Variants in HADH observed in about 807,000 individuals in gnomAD.
The protein encoded by HADH is hydroxyacyl-CoA dehydrogenase.
Under a neutral mutation model 32.2 loss-of-function variants are expected in HADH, and 24 were observed. The observed-to-expected ratio is 0.75, with a 90% CI of 0.54 to 1.05. The LOEUF (loss-of-function observed/expected upper bound fraction) is 1.05, where lower values mean the gene tolerates loss of function less well. HADH is among the 50% of genes least tolerant of loss of function. The pLI is 0.00. For synonymous variants in HADH, 139 were observed against 152.5 expected, an observed-to-expected ratio of 0.91 and a Z score of 0.65; for missense variants, 350 against 397.1, an observed-to-expected ratio of 0.88 and a Z score of 1.01.
chr4:108,004,409 A>C (rs770612155), intron 1 of HADH: 1 of 332,182 alleles, frequency 3.0e-6, no homozygotes, highest in East Asian at 7.8e-5. Flanking sequence ...TTGATCATTC[A>C]AAAGGAAGCA....
At chr4:108,032,479 C>A in intron 6 of HADH, 1 of 618,674 alleles carries the variant, frequency 1.6e-6, no homozygotes, top group Non-Finnish European at 3.0e-6. Context: ...AATAACTATA[C>A]ATACAAAAGC....
chr4:108,027,257 G>T, intron 5 of HADH: 1 of 316,374 alleles, frequency 3.2e-6, no homozygotes, highest in Non-Finnish European at 6.2e-6. Context: ...TGGGTGTAGG[G>T]CTGTGTGTAC....
chr4:108,019,418 C>T (rs563925489), intron 3 of HADH, 122 bp from the exon 4 acceptor site: 1 of 843,654 alleles, frequency 1.2e-6, no homozygotes, highest in Non-Finnish European at 2.1e-6. Context: ...CCCTCATTCC[C>T]CCAATGGGTC....
intron 1 of HADH, among the ~76,000 whole-genome samples, chr4:107,994,331 C>T (rs1270261630): frequency 6.6e-6 from 1 of 152,062 alleles, no homozygotes; most frequent in Non-Finnish European, 1.5e-5. Context: ...CAGGGAGAGC[C>T]TGCTACGTTG....
chr4:108,018,933 A>G (rs563853105), intron 3 of HADH, among the ~76,000 whole-genome samples: 8 of 152,234 alleles, frequency 5.3e-5, no homozygotes, highest in East Asian at 1.9e-4. Flanking sequence ...GCATATGCCT[A>G]TATCCTCTTT....
chr4:108,009,036 C>G (rs928902829), intron 1 of HADH, among the ~76,000 whole-genome samples: 1 of 152,200 alleles, frequency 6.6e-6, no homozygotes, highest in Non-Finnish European at 1.5e-5. Context: ...CTCCCTCAGC[C>G]AGGGTGGCAT....
chr4:107,996,479 T>G (rs778914719), intron 1 of HADH, among the ~76,000 whole-genome samples: 1 of 152,202 alleles, frequency 6.6e-6, no homozygotes, highest in Non-Finnish European at 1.5e-5. Context: ...AAAAAAAAAC[T>G]ATGTAACACA....
intron 1 of HADH, among the ~76,000 whole-genome samples, chr4:107,996,310 C>T (rs1405399930): frequency 6.6e-6 from 1 of 152,156 alleles, no homozygotes; most frequent in African/African-American, 2.4e-5. Flanking sequence ...CTCCTCTACC[C>T]GGAAAGTGTC....
intron 3 of HADH, among the ~76,000 whole-genome samples, chr4:108,018,574 T>A (rs1432847968): frequency 6.6e-6 from 1 of 152,096 alleles, no homozygotes; most frequent in Non-Finnish European, 1.5e-5. Flanking sequence ...TTCCCTCCTT[T>A]CCAAATAACT....
At chr4:108,025,679 A>C (rs185951314) in intron 5 of HADH, 158 of 152,294 alleles carry the variant, frequency 1.0e-3, no homozygotes, top group African/African-American at 3.8e-3. Context: ...ACTTGAGCCC[A>C]GGAGTTCGAG....
At position 108,034,603 on chromosome 4, in the gene HADH, C is replaced by T. The variant is rs1736397745; in HGVS notation, c.*246C>T. The T allele has an allele frequency of 2.3e-6, 1 of 426,700 alleles. No homozygotes were observed. The highest frequency in any genetic ancestry group is 4.4e-6 in the Non-Finnish European group (1 of 225,430). The allele number at this position is 426,700 out of a possible 1,614,324, so 26.4% of individuals were successfully genotyped here. Reference sequence around the variant, plus strand: ...GTGTATTTTCTAAACAGCTTTACACCCTTGGTGCCTTGGAGCAAACATGTT... The same window carrying T: ...GTGTATTTTCTAAACAGCTTTACACTCTTGGTGCCTTGGAGCAAACATGTT... On this transcript the variant is annotated 3_prime_UTR_variant, in exon 8 of 8. Coordinates refer to ENST00000309522, the MANE Select transcript of HADH (RefSeq NM_005327.7).
chr4:108,019,212 T>C (rs941381051), intron 3 of HADH, among the ~76,000 whole-genome samples: 1 of 152,228 alleles, frequency 6.6e-6, no homozygotes, highest in African/African-American at 2.4e-5. Flanking sequence ...ATTAGCCACC[T>C]CTTGTTATCT....
chr4:108,000,395 G>A (rs550920019), intron 1 of HADH, among the ~76,000 whole-genome samples: 2 of 152,268 alleles, frequency 1.3e-5, no homozygotes, highest in Admixed American at 1.3e-4. Context: ...TTTCTCCTAT[G>A]CTCTGGTTGG....
intron 2 of HADH, among the ~76,000 whole-genome samples, chr4:108,012,814 A>G (rs781480409): frequency 6.6e-6 from 1 of 152,260 alleles, no homozygotes; most frequent in Non-Finnish European, 1.5e-5. Context: ...CAGGTCTTAG[A>G]ATAAATTTTG....
chr4:107,990,116 G>A (rs1212991574), intron 1 of HADH, 52 bp downstream of exon 1: 7 of 1,562,514 alleles, frequency 4.5e-6, no homozygotes, highest in Non-Finnish European at 6.1e-6. Context: ...CCACCCTGAG[G>A]TGGAAGCTCT....
intron 2 of HADH, among the ~76,000 whole-genome samples, chr4:108,012,354 A>G (rs577157395): frequency 2.6e-5 from 4 of 152,250 alleles, no homozygotes; most frequent in Non-Finnish European, 5.9e-5. Flanking sequence ...GTAAAGAAAT[A>G]GCACTTGAAA....
At chr4:107,994,783 C>T (rs1375519517) in intron 1 of HADH, among the ~76,000 whole-genome samples, 1 of 152,160 alleles carries the variant, frequency 6.6e-6, no homozygotes, top group Non-Finnish European at 1.5e-5. Flanking sequence ...CTGTTCTCTG[C>T]TCTTGGTTGA....
At chr4:107,994,965 A>G (rs1734914223) in intron 1 of HADH, among the ~76,000 whole-genome samples, 1 of 152,174 alleles carries the variant, frequency 6.6e-6, no homozygotes, top group African/African-American at 2.4e-5. Context: ...CACTTCAGTC[A>G]GTCAGGTTTT....
intron 6 of HADH, chr4:108,028,187 G>A (rs1164296998): frequency 3.5e-5 from 9 of 254,654 alleles, no homozygotes; most frequent in South Asian, 1.1e-4. Flanking sequence ...TGACAAGGCC[G>A]ATATGTGGTA....
Sources: gnomAD v4.1 joint callset for allele counts (sites outside exome capture counted in the v4.1 genomes callset) on GRCh38, gnomAD v4.1.1 for gene constraint, MANE v1.5 for transcripts, NCBI Gene and HGNC (gene_info 2026-07-23, HGNC 2026-07-21) for gene names.